FGGY: variants seen among roughly 807,000 people sequenced by gnomAD.
FGGY encodes the protein FGGY carbohydrate kinase domain-containing protein.
FGGY carries 72 observed loss-of-function variants against 71.3 expected under a neutral mutation model. The ratio of observed to expected loss-of-function variants is 1.01; its 90% CI spans 0.84 to 1.23. The LOEUF is 1.23. FGGY is among the 50% of genes most tolerant of loss of function. The pLI, the probability that FGGY is intolerant of heterozygous loss-of-function variation, is 0.00. For synonymous variants in FGGY, 251 were observed against 250.3 expected, an observed-to-expected ratio of 1.00 and a Z score of -0.02; for missense variants, 668 against 682.3, an observed-to-expected ratio of 0.98 and a Z score of 0.23.
At chr1:59,749,766 A>T (rs2098229929) in intron 14 of FGGY, among the ~76,000 whole-genome samples, 1 of 152,236 alleles carries the variant, frequency 6.6e-6, no homozygotes, top group Non-Finnish European at 1.5e-5. Flanking sequence ...CGTGCTTCTC[A>T]TAGCAGTCCT....
chr1:59,691,853 G>C (rs918798135), intron 14 of FGGY, among the ~76,000 whole-genome samples: 2 of 151,972 alleles, frequency 1.3e-5, no homozygotes, highest in African/African-American at 4.8e-5. Context: ...AAAGATGAAG[G>C]CCTCACTTAC....
intron 3 of FGGY, among the ~76,000 whole-genome samples, chr1:59,342,035 C>A (rs561896761): frequency 1.3e-5 from 2 of 152,192 alleles, no homozygotes; most frequent in African/African-American, 4.8e-5. Flanking sequence ...TGTTAGAGAG[C>A]CTGATTTTGG....
Position 59,638,232 on chromosome 1 carries a change from C to T in FGGY, c.1078C>T (p.Gln360Ter), listed in dbSNP as rs769050395. 1 of 1,612,752 alleles carries T rather than the reference C, an allele frequency of 6.2e-7. No homozygotes were observed. The highest frequency in any genetic ancestry group is 1.1e-5 in the South Asian group (1 of 90,754). Residue 360 changes from glutamine (Q) to a stop codon, truncating the protein, a stop_gained, in exon 11 of 16, where the codon CAG becomes TAG. Transcript: ENST00000303721. LOFTEE classifies it high-confidence loss of function. ...ELQVKATARC[Q>*]SIYAYLNSHL... ...TAAAATTCACTTCTCTTCCAGATGC[C>T]AGAGTATATATGCATATTTGAACAG... is the stretch of plus-strand genomic sequence containing the variant.
chr1:59,409,983 C>T (rs115252040), intron 5 of FGGY, among the ~76,000 whole-genome samples: 3,378 of 152,236 alleles, frequency 0.022, 54 homozygotes, highest in Middle Eastern at 0.048. Context: ...ACACAGGACA[C>T]AGTAGGTGAC....
intron 9 of FGGY, among the ~76,000 whole-genome samples, chr1:59,618,403 A>G (rs141071794): frequency 0.013 from 1,939 of 152,234 alleles, 29 homozygotes; most frequent in Non-Finnish European, 0.016. Flanking sequence ...TACAGTTATA[A>G]GTAGGAGAGC....
chr1:59,542,629 T>C (rs1041441993), intron 7 of FGGY, among the ~76,000 whole-genome samples: 1 of 151,878 alleles, frequency 6.6e-6, no homozygotes, highest in African/African-American at 2.4e-5. Flanking sequence ...GCTAATTTTG[T>C]ATTTTTAGTA....
chr1:59,749,960 A>G (rs988575126), intron 14 of FGGY, among the ~76,000 whole-genome samples: 9 of 152,232 alleles, frequency 5.9e-5, no homozygotes, highest in African/African-American at 1.7e-4. Context: ...AAAATCACCT[A>G]GACTGGTCCT....
intron 7 of FGGY, among the ~76,000 whole-genome samples, chr1:59,551,120 G>A (rs1399025129): frequency 6.6e-6 from 1 of 152,134 alleles, no homozygotes; most frequent in Non-Finnish European, 1.5e-5. Flanking sequence ...GTGGTGGAGA[G>A]AGTGATGGTA....
chr1:59,677,726 T>C (rs754324970), intron 14 of FGGY, among the ~76,000 whole-genome samples: 1 of 152,210 alleles, frequency 6.6e-6, no homozygotes, highest in Non-Finnish European at 1.5e-5. Flanking sequence ...TGGAATATTC[T>C]GGTGGGCCCT....
intron 11 of FGGY, among the ~76,000 whole-genome samples, chr1:59,642,898 G>A (rs1173048216): frequency 6.6e-6 from 1 of 151,624 alleles, no homozygotes; most frequent in African/African-American, 2.4e-5. Flanking sequence ...AGCCGGGCAT[G>A]GTGGCGGGTG....
chr1:59,712,442 C>T (rs530587074), intron 14 of FGGY, among the ~76,000 whole-genome samples: 14 of 152,174 alleles, frequency 9.2e-5, no homozygotes, highest in Non-Finnish European at 1.3e-4. Context: ...AGGCGGTACC[C>T]CAGTAGAGAC....
At chr1:59,392,288 G>T (rs964244468) in intron 5 of FGGY, among the ~76,000 whole-genome samples, 1 of 152,182 alleles carries the variant, frequency 6.6e-6, no homozygotes. Context: ...AGTCAATCTG[G>T]TTAAAGGTAT....
At chr1:59,446,554 G>A (rs2071290923) in intron 5 of FGGY, among the ~76,000 whole-genome samples, 1 of 152,090 alleles carries the variant, frequency 6.6e-6, no homozygotes, top group African/African-American at 2.4e-5. Flanking sequence ...AGAAATTAAG[G>A]CCTTCTTGGT....
At chr1:59,475,532 C>T (rs764528485) in intron 6 of FGGY, among the ~76,000 whole-genome samples, 2 of 152,218 alleles carry the variant, frequency 1.3e-5, no homozygotes, top group Non-Finnish European at 2.9e-5. Context: ...CAGTTTTACA[C>T]TTGGGGAAGC....
At chr1:59,350,707 G>A (rs1206457277) in intron 4 of FGGY, among the ~76,000 whole-genome samples, 2 of 152,190 alleles carry the variant, frequency 1.3e-5, no homozygotes. Context: ...TTGGATTAGG[G>A]TGAGAAAATG....
chr1:59,673,935 C>T, intron 13 of FGGY, 104 bp from the exon 14 acceptor site: 3 of 865,534 alleles, frequency 3.5e-6, no homozygotes, highest in Non-Finnish European at 3.8e-6. Flanking sequence ...GGGGGGCCTG[C>T]TGCTGCCCTG....
chr1:59,316,221 A>T (rs956760756), intron 1 of FGGY: 2 of 152,224 alleles, frequency 1.3e-5, no homozygotes, highest in Non-Finnish European at 2.9e-5. Flanking sequence ...GCAAAGTCCA[A>T]AGATCAAAGT....
At chr1:59,592,602 G>T (rs993691765) in intron 8 of FGGY, among the ~76,000 whole-genome samples, 7 of 152,156 alleles carry the variant, frequency 4.6e-5, no homozygotes, top group African/African-American at 7.2e-5. Context: ...ATACTATACA[G>T]CCATGAAAAT....
At chr1:59,697,798 A>C in intron 14 of FGGY, 1 of 908,662 alleles carries the variant, frequency 1.1e-6, no homozygotes, top group Non-Finnish European at 1.5e-6. Flanking sequence ...ATCACCCCCT[A>C]TTTTCTTTGT....
Sources: allele counts gnomAD v4.1 joint callset (sites outside exome capture counted in the v4.1 genomes callset), GRCh38; gene constraint gnomAD v4.1.1; transcripts MANE v1.5; gene names NCBI Gene and HGNC (gene_info 2026-07-23, HGNC 2026-07-21).